The following TNFRSF19 variants were observed in gnomAD, a reference collection of about 807,000 sequenced individuals.
The protein encoded by TNFRSF19 is TNF receptor superfamily member 19.
In TNFRSF19, 27 loss-of-function variants were observed where a neutral mutation model predicts 46.4. The observed-to-expected ratio is 0.58, with a 90% confidence interval of 0.43 to 0.80. The LOEUF (loss-of-function observed/expected upper bound fraction) is 0.80, where lower values mean the gene tolerates loss of function less well. Ranked by LOEUF, TNFRSF19 falls within the 30% of genes least tolerant of loss-of-function variation. TNFRSF19 has a pLI of 0.00. For synonymous variants in TNFRSF19, 204 were observed against 205.0 expected (o/e 1.00, Z 0.04); for missense variants, 511 against 530.8 (o/e 0.96, Z 0.37).
chr13:23,597,394 T>TA, intron 3 of TNFRSF19, among the ~76,000 whole-genome samples: 1 of 150,760 alleles, frequency 6.6e-6, no homozygotes, highest in East Asian at 1.9e-4. Flanking sequence ...ATGGAAACAA[T>TA]AAAAAAATGA....
At chr13:23,669,289 T>G in intron 9 of TNFRSF19, 192 bp downstream of exon 9, 1 of 1,395,852 alleles carries the variant, frequency 7.2e-7, no homozygotes, top group Non-Finnish European at 9.2e-7. Context: ...AGCTAATATA[T>G]AAGAGCAAAG....
chr13:23,651,992 A>G (rs1275162932), intron 5 of TNFRSF19, among the ~76,000 whole-genome samples: 3 of 151,998 alleles, frequency 2.0e-5, no homozygotes, highest in Admixed American at 2.0e-4. Context: ...GGCATTAAAA[A>G]GTATGTACAG....
intron 4 of TNFRSF19, among the ~76,000 whole-genome samples, chr13:23,622,038 C>T (rs749964586): frequency 1.2e-4 from 19 of 152,076 alleles, no homozygotes; most frequent in Non-Finnish European, 7.4e-5. Context: ...CCTCTTCATG[C>T]GTAGTAGTCA....
At chr13:23,618,768 G>A (rs144751776) in intron 4 of TNFRSF19, among the ~76,000 whole-genome samples, 10 of 152,162 alleles carry the variant, frequency 6.6e-5, no homozygotes, top group African/African-American at 2.2e-4. Flanking sequence ...CCAAGCTCTG[G>A]TTTGAATGTG....
At chr13:23,588,309 G>C (rs1203361707) in intron 1 of TNFRSF19, among the ~76,000 whole-genome samples, 1 of 152,148 alleles carries the variant, frequency 6.6e-6, no homozygotes, top group South Asian at 2.1e-4. Context: ...CAACTGCTCC[G>C]GGCGCTGGGC....
chr13:23,613,087 T>C (rs1010164143), intron 3 of TNFRSF19, among the ~76,000 whole-genome samples: 14 of 152,220 alleles, frequency 9.2e-5, no homozygotes, highest in South Asian at 8.3e-4. Context: ...TCAATAAAAA[T>C]GTCTTAGATG....
intron 3 of TNFRSF19, among the ~76,000 whole-genome samples, chr13:23,610,246 G>A (rs1880801400): frequency 6.6e-6 from 1 of 152,244 alleles, no homozygotes; most frequent in African/African-American, 2.4e-5. Flanking sequence ...GGTCTGAAGA[G>A]CTGCTCCTCC....
chr13:23,673,445 T>C lies in TNFRSF19; in HGVS notation c.*65T>C. On this transcript the variant is annotated 3_prime_UTR_variant, in exon 10 of 10. Transcript: ENST00000248484. ...CCCAAAGAGTACTCCTTTGTTAGGC[T>C]TATGGACTGAGCAGTCTGGACCTTG... The C allele has an allele frequency of 6.4e-7, 1 of 1,564,690 alleles. No homozygotes were observed.
Position 23,659,802 on chromosome 13 carries a change from C to T in TNFRSF19, c.611-563C>T, listed in dbSNP as rs9578625. The stretch of plus-strand genomic sequence containing the variant: ...TGACAGATGTGAGCCACTGCACCGG[C>T]CTATTATATGTATTATGCCCTGTAT... On this transcript the variant is annotated intron_variant, in intron 6 of 9. Coordinates refer to ENST00000248484, the MANE Select transcript of TNFRSF19 (RefSeq NM_148957.4). This position sits in a 1 kb window ranked among gnomAD's most constrained non-coding sequence, Gnocchi z 4.9. 0.45 allele frequency among the ~76,000 whole-genome samples: 68,172 copies of T among 151,988 alleles called. 15,698 individuals are homozygous for T. The highest frequency in any genetic ancestry group is 0.53 in the Middle Eastern group (157 of 294).
At chr13:23,582,571 G>T (rs1390651899) in intron 1 of TNFRSF19, among the ~76,000 whole-genome samples, 1 of 151,864 alleles carries the variant, frequency 6.6e-6, no homozygotes. Context: ...AGATTGATTC[G>T]CATATAGTAA....
intron 3 of TNFRSF19, among the ~76,000 whole-genome samples, chr13:23,609,715 T>C (rs1050133824): frequency 6.6e-6 from 1 of 152,216 alleles, no homozygotes. Flanking sequence ...ATACCCAGCT[T>C]CATATTTCTG....
rs545012570 is a variant in TNFRSF19 at position 23,673,482 on chromosome 13, G to A, written c.*102G>A. ...CAGTCTGGACCTTGCATGGCTTCTG[G>A]GGCAAAAATAAATCTGAACCAAACT... On this transcript the variant is annotated 3_prime_UTR_variant, in exon 10 of 10. Transcript: ENST00000248484. 1 of 1,418,626 alleles carries A rather than the reference G, an allele frequency of 7.0e-7. No homozygotes were observed. Among genetic ancestry groups the A allele is most frequent in the Middle Eastern group, 1.9e-4 (1 of 5,370 alleles). The allele number at this position is 1,418,626 out of a possible 1,614,324, so 87.9% of individuals were successfully genotyped here. A position where few individuals can be genotyped will look rare whatever the true frequency, so the allele number is the denominator to read the frequency against.
In TNFRSF19 at chr13:23,616,050, G is replaced by A. The variant is rs780603249; in HGVS notation, c.359+5G>A. ...CTGCGGGGACTGCTTGCCAGGGTGA[G>A]TTGGCCAGTTTCTTTCACTTGTAAT... On this transcript the variant is annotated splice_donor_5th_base_variant and intron_variant, in intron 4 of 9. Coordinates refer to ENST00000248484, the MANE Select transcript of TNFRSF19 (RefSeq NM_148957.4). The A allele has an allele frequency of 3.8e-6, 6 of 1,580,820 alleles. No homozygotes were observed. The African/African-American group carries it at 6.8e-5, about 18-fold the overall frequency.
chr13:23,581,123 T>C (rs1878382469), intron 1 of TNFRSF19, among the ~76,000 whole-genome samples: 1 of 142,660 alleles, frequency 7.0e-6, no homozygotes, highest in African/African-American at 2.6e-5. Flanking sequence ...CCTTTTCTTT[T>C]TTTCTTTTCT....
chr13:23,659,262 T>A lies in TNFRSF19; in HGVS notation c.610+48T>A. ...TTCTTAGCATTTAGGGGAAGGGCAT[T>A]TATTACTATTGTCGTGCAAGTGTTC... On this transcript the variant is annotated intron_variant, in intron 6 of 9. Transcript: ENST00000248484. This position sits in a 1 kb window ranked among gnomAD's most constrained non-coding sequence, Gnocchi z 4.9. 1 of 1,559,848 alleles carries A rather than the reference T, an allele frequency of 6.4e-7. No homozygotes were observed. The highest frequency in any genetic ancestry group is 8.7e-7 in the Non-Finnish European group (1 of 1,148,036).
At chr13:23,596,724 A>T (rs1297007490) in intron 3 of TNFRSF19, among the ~76,000 whole-genome samples, 1 of 152,168 alleles carries the variant, frequency 6.6e-6, no homozygotes, top group Non-Finnish European at 1.5e-5. Context: ...GATATTCAGG[A>T]CCAAACTCAG....
intron 5 of TNFRSF19, among the ~76,000 whole-genome samples, chr13:23,635,122 C>A (rs1882598006): frequency 6.6e-6 from 1 of 152,074 alleles, no homozygotes; most frequent in African/African-American, 2.4e-5. Context: ...GCCTTCCTGG[C>A]AGCACAGACA....
At chr13:23,624,867 C>T (rs1881889503) in intron 4 of TNFRSF19, among the ~76,000 whole-genome samples, 1 of 151,890 alleles carries the variant, frequency 6.6e-6, no homozygotes, top group African/African-American at 2.4e-5. Flanking sequence ...TCTCCTGCCT[C>T]AGCCTCCTGA....
At chr13:23,578,553 T>G (rs567599998) in intron 1 of TNFRSF19, among the ~76,000 whole-genome samples, 4 of 152,202 alleles carry the variant, frequency 2.6e-5, no homozygotes, top group Non-Finnish European at 4.4e-5. Flanking sequence ...AAACAGGGAC[T>G]TGGGTCCATC....
Sources: allele counts gnomAD v4.1 joint callset (sites outside exome capture counted in the v4.1 genomes callset), GRCh38; gene constraint gnomAD v4.1.1; non-coding constraint Gnocchi (gnomAD v3.1); transcripts MANE v1.5; gene names NCBI Gene and HGNC (gene_info 2026-07-23, HGNC 2026-07-21).